The following GLS variants were observed in gnomAD, a reference collection of about 807,000 sequenced individuals.
GLS encodes glutaminase, also known as glutaminase kidney isoform, mitochondrial.
In GLS, 36 loss-of-function variants were observed where a neutral mutation model predicts 86.7. The ratio of observed to expected loss-of-function variants is 0.42; its 90% CI spans 0.32 to 0.55. GLS has a LOEUF of 0.55. GLS is among the 20% of genes least tolerant of loss of function. The pLI is 0.17. For synonymous variants in GLS, 317 were observed against 305.9 expected (o/e 1.04, Z -0.38); for missense variants, 528 against 833.4 (o/e 0.63, Z 4.51).
At chr2:190,925,448 G>T (rs895770750) in intron 11 of GLS, among the ~76,000 whole-genome samples, 1 of 152,092 alleles carries the variant, frequency 6.6e-6, no homozygotes, top group Non-Finnish European at 1.5e-5. Context: ...AATGGGCTAT[G>T]GTATAGAACT....
intron 3 of GLS, among the ~76,000 whole-genome samples, chr2:190,900,128 A>G (rs1688889698): frequency 6.6e-6 from 1 of 152,148 alleles, no homozygotes; most frequent in South Asian, 2.1e-4. Flanking sequence ...TTTTTGAATG[A>G]AATGCTAGTA....
chr2:190,910,694 G>A (rs894141174), intron 7 of GLS, among the ~76,000 whole-genome samples: 3 of 150,932 alleles, frequency 2.0e-5, no homozygotes, highest in Non-Finnish European at 4.4e-5. Flanking sequence ...AGAATTAAAG[G>A]CATTTTACTG....
Position 190,949,832 on chromosome 2 carries a change from G to C in GLS, c.1651-3733G>C, listed in dbSNP as rs1488774991. On this transcript the variant is annotated intron_variant, in intron 14 of 17. Coordinates refer to ENST00000320717, the MANE Select transcript of GLS (RefSeq NM_014905.5). This position sits in a 1 kb window ranked among gnomAD's most constrained non-coding sequence, Gnocchi z 4.0. The stretch of plus-strand genomic sequence containing the variant: ...TAATGAGCACCTATTATGTGTGATA[G>C]ACACTGAGTTTACGGTGGGGAACAG... Among the ~76,000 whole-genome samples the C allele has an allele frequency of 1.3e-5, 2 of 151,982 alleles. No individual in the cohort carries two copies. The highest frequency in any genetic ancestry group is 3.8e-4 in the East Asian group (2 of 5,196).
In GLS at chr2:190,902,017, A is replaced by G; in HGVS notation, c.806A>G (p.Asp269Gly). The change falls in exon 5 of 18, where the codon GAT becomes GGT. Residue 269 changes from aspartate to glycine, a missense_variant. Around this residue, in one of 4 missense-constraint regions of GLS, gnomAD observed 111 missense variants for 179.5 expected, o/e 0.62. Coordinates refer to ENST00000320717, the MANE Select transcript of GLS (RefSeq NM_014905.5). ...DLWGVSVCTV[D>G]GQRHSTGDTK... ...TGGGGTGTGTCTGTTTGTACAGTAG[A>G]TGGACAGAGGTAAGTTTATTTCAAA... The G allele has an allele frequency of 6.2e-7, 1 of 1,603,552 alleles. No individual in the cohort carries two copies. Among genetic ancestry groups the G allele is most frequent in the Non-Finnish European group, 8.5e-7 (1 of 1,170,522 alleles).
chr2:190,880,868 A>G lies in GLS; in HGVS notation c.-217A>G, dbSNP rs928836526. 2 of 744,508 alleles carry G rather than the reference A, an allele frequency of 2.7e-6. No homozygotes were observed. The highest frequency in any genetic ancestry group is 1.9e-5 in the African/African-American group (1 of 52,742). 46.1% of individuals were successfully genotyped at this position (744,508 alleles called of 1,614,324 possible). A position where few individuals can be genotyped will look rare whatever the true frequency, so the allele number is the denominator to read the frequency against. On this transcript the variant is annotated 5_prime_UTR_variant, in exon 1 of 18. Coordinates refer to ENST00000320717, the MANE Select transcript of GLS (RefSeq NM_014905.5). ...GAAGAGAACCGGTCGCGGCAATCCT[A>G]GCGCGCAGCAGCAGCAGCAGCAGCA...
rs527649517 is a variant in GLS at position 190,956,579 on chromosome 2, A to T, written c.1853+1761A>T. ...CTTTTTGCTTAGGATCGTCTTGGCTATGTGGGCTCTTTTTTGGTTATATAT... is the reference window on the plus strand; with the variant it reads ...CTTTTTGCTTAGGATCGTCTTGGCTTTGTGGGCTCTTTTTTGGTTATATAT... On this transcript the variant is annotated intron_variant, in intron 17 of 17. Coordinates refer to ENST00000320717, the MANE Select transcript of GLS (RefSeq NM_014905.5). The surrounding 1 kb of genome is among the most constrained non-coding windows in gnomAD (Gnocchi z 4.2). 4.1e-4 allele frequency among the ~76,000 whole-genome samples: 63 copies of T among 152,248 alleles called. No homozygotes were observed. Among genetic ancestry groups the T allele is most frequent in the African/African-American group, 1.4e-3 (59 of 41,528 alleles).
chr2:190,929,248 C>A (rs1690017867), intron 12 of GLS, among the ~76,000 whole-genome samples: 1 of 151,186 alleles, frequency 6.6e-6, no homozygotes, highest in Admixed American at 6.6e-5. Context: ...TTTAGAAAAT[C>A]TTTTAAGAAT....
rs1027720150 is a variant in GLS, at chr2:190,951,266, CAG to C, written c.1651-2298_1651-2297del. 1.6e-4 allele frequency among the ~76,000 whole-genome samples: 24 copies of C among 152,150 alleles called. No homozygotes were observed. The highest frequency in any genetic ancestry group is 3.4e-3 in the Middle Eastern group (1 of 294). ...GGGTGCTGGGGGGATCTGAAGGAAT[CAG>C]GGCTTAGGAAGCTGCTGGAGCTTTG... is the stretch of plus-strand genomic sequence containing the variant. On this transcript the variant is annotated intron_variant, in intron 14 of 17. Coordinates refer to ENST00000320717, the MANE Select transcript of GLS (RefSeq NM_014905.5). The surrounding 1 kb of genome is among the most constrained non-coding windows in gnomAD (Gnocchi z 4.2).
At chr2:190,932,675 C>T (rs538263079) in intron 14 of GLS, 101 of 1,473,650 alleles carry the variant, frequency 6.9e-5, no homozygotes, top group South Asian at 3.3e-4. Context: ...TTTCTTCACT[C>T]AAGTGCACTA....
At chr2:190,906,454 T>C (rs1477968650) in intron 6 of GLS, among the ~76,000 whole-genome samples, 1 of 152,200 alleles carries the variant, frequency 6.6e-6, no homozygotes, top group Admixed American at 6.5e-5. Flanking sequence ...TTTTGCCATA[T>C]ATATTTATGG....
chr2:190,914,953 A>G lies in GLS; in HGVS notation c.1038+4632A>G, dbSNP rs1324552500. ...GTGCCTCTATCAAATTTTCATTCAT[A>G]CAGTATTCTTCAAAGGAATGTAAAT... On this transcript the variant is annotated intron_variant, in intron 7 of 17. Coordinates refer to ENST00000320717, the MANE Select transcript of GLS (RefSeq NM_014905.5). The surrounding 1 kb of genome is among the most constrained non-coding windows in gnomAD (Gnocchi z 4.4). Among the ~76,000 whole-genome samples the G allele has an allele frequency of 6.6e-6, 1 of 152,178 alleles. No homozygotes were observed. Among genetic ancestry groups the G allele is most frequent in the Non-Finnish European group, 1.5e-5 (1 of 68,012 alleles).
chr2:190,915,517 A>G (rs1456884398), intron 7 of GLS, among the ~76,000 whole-genome samples: 1 of 152,192 alleles, frequency 6.6e-6, no homozygotes, highest in East Asian at 1.9e-4. Flanking sequence ...TTGTACAGTG[A>G]TCTTCAAACT....
At chr2:190,918,307 T>A (rs939438706) in intron 7 of GLS, among the ~76,000 whole-genome samples, 3 of 152,216 alleles carry the variant, frequency 2.0e-5, no homozygotes, top group Admixed American at 6.5e-5. Context: ...ACCTTCTGCA[T>A]CAGCCCTTGC....
Position 190,921,347 on chromosome 2 carries a change from A to G in GLS, c.1130+144A>G, listed in dbSNP as rs1172279193. 1.2e-5 allele frequency: 8 copies of G among 651,288 alleles called. No homozygotes were observed. Among genetic ancestry groups the G allele is most frequent in the Admixed American group, 2.7e-5 (1 of 37,300 alleles). The allele number at this position is 651,288 out of a possible 1,614,324, so 40.3% of individuals were successfully genotyped here. A position where few individuals can be genotyped will look rare whatever the true frequency, so the allele number is the denominator to read the frequency against. ...AAAAATACTTTAAATAGTTTTGACA[A>G]ATTTCTTACAGGTAATCATACAATC... On this transcript the variant is annotated intron_variant, in intron 9 of 17. Transcript: ENST00000320717. This position sits in a 1 kb window ranked among gnomAD's most constrained non-coding sequence, Gnocchi z 4.2.
chr2:190,921,083 C>T lies in GLS; in HGVS notation c.1071+27C>T. ...TAAGTGCAACATGTCATTCAGTTTT[C>T]ATGCCACATTCTCTATATATTTGTT... On this transcript the variant is annotated intron_variant, in intron 8 of 17. Coordinates refer to ENST00000320717, the MANE Select transcript of GLS (RefSeq NM_014905.5). This position sits in a 1 kb window ranked among gnomAD's most constrained non-coding sequence, Gnocchi z 4.2. The T allele has an allele frequency of 6.3e-7, 1 of 1,581,634 alleles. No individual in the cohort carries two copies. The highest frequency in any genetic ancestry group is 8.7e-7 in the Non-Finnish European group (1 of 1,151,244).
intron 1 of GLS, among the ~76,000 whole-genome samples, chr2:190,889,202 A>G (rs1688485744): frequency 6.6e-6 from 1 of 152,254 alleles, no homozygotes; most frequent in Admixed American, 6.5e-5. Context: ...AAGTTCAGAC[A>G]GTATTAGGAC....
chr2:190,919,943 T>G, intron 7 of GLS: 1 of 152,384 alleles, frequency 6.6e-6, no homozygotes. Flanking sequence ...CTTAAAAAAG[T>G]GGATTTGTAG....
At chr2:190,891,030 G>A (rs1231395684) in intron 1 of GLS, among the ~76,000 whole-genome samples, 1 of 25,466 alleles carries the variant, frequency 3.9e-5, no homozygotes, top group Non-Finnish European at 1.2e-4. Context: ...TCTTAGTAAG[G>A]ATTTTTTTTT....
intron 3 of GLS, among the ~76,000 whole-genome samples, chr2:190,898,367 A>G (rs914582711): frequency 6.6e-6 from 1 of 152,240 alleles, no homozygotes; most frequent in African/African-American, 2.4e-5. Context: ...CTTGCTGAAA[A>G]GCATAAGCAC....
Sources: allele counts gnomAD v4.1 joint callset (sites outside exome capture counted in the v4.1 genomes callset), GRCh38; gene constraint gnomAD v4.1.1; regional missense constraint gnomAD v4.1.1; non-coding constraint Gnocchi (gnomAD v3.1); transcripts MANE v1.5; gene names NCBI Gene and HGNC (gene_info 2026-07-23, HGNC 2026-07-21).